The following HTR4 variants were observed in gnomAD, a reference collection of about 807,000 sequenced individuals.
HTR4 encodes 5-hydroxytryptamine receptor 4.
In HTR4, 16 loss-of-function variants were observed where a neutral mutation model predicts 36.8. The observed-to-expected ratio is 0.43, with a 90% CI of 0.29 to 0.66. The LOEUF is 0.66. Among genes scored for constraint, HTR4 ranks in the 30% least tolerant of loss-of-function variants. The probability of loss-of-function intolerance (pLI) is 0.13; values close to 1 mark genes in which losing one functional copy is unlikely to be tolerated. For synonymous variants in HTR4, 189 were observed against 185.1 expected (o/e 1.02, Z -0.17); for missense variants, 438 against 490.9 (o/e 0.89, Z 1.02).
At chr5:148,453,692 G>A (rs192582289) in intron 5 of HTR4, among the ~76,000 whole-genome samples, 2 of 152,286 alleles carry the variant, frequency 1.3e-5, no homozygotes, top group East Asian at 3.9e-4. Context: ...AAGTGGGCGG[G>A]GGTGGGCTTG....
intron 4 of HTR4, among the ~76,000 whole-genome samples, chr5:148,532,121 T>C (rs752817631): frequency 2.6e-5 from 4 of 152,168 alleles, no homozygotes; most frequent in Non-Finnish European, 4.4e-5. Flanking sequence ...TAACATGTCG[T>C]TATCTCTTAA....
chr5:148,508,936 A>G (rs917699163), intron 6 of HTR4, among the ~76,000 whole-genome samples: 5 of 152,154 alleles, frequency 3.3e-5, no homozygotes, highest in African/African-American at 7.2e-5. Context: ...AAAGGTGAGG[A>G]AAGTAAAACC....
intron 5 of HTR4, among the ~76,000 whole-genome samples, chr5:148,454,541 C>A (rs1755051332): frequency 6.6e-6 from 1 of 152,068 alleles, no homozygotes; most frequent in African/African-American, 2.4e-5. Context: ...AAATATTTTT[C>A]TCTTTTATTT....
Position 148,483,097 on chromosome 5 carries a change from A to G in HTR4, c.*106T>C, listed in dbSNP as rs982210582. On this transcript the variant is annotated 3_prime_UTR_variant, in exon 7 of 7. Transcript: ENST00000377888. ...CGGGTTCCTGCACTGGCGGACGGAA[A>G]GCCTCAGGTGAAGAGAATACCGGGT... 6.5e-7 allele frequency: 1 copy of G among 1,539,126 alleles called. No individual in the cohort carries two copies. The highest frequency in any genetic ancestry group is 1.4e-5 in the African/African-American group (1 of 72,954).
intron 4 of HTR4, among the ~76,000 whole-genome samples, chr5:148,534,790 T>A (rs1056852523): frequency 1.3e-5 from 2 of 151,950 alleles, no homozygotes; most frequent in Non-Finnish European, 2.9e-5. Context: ...CTGACCTCAA[T>A]CTCTCTGGGG....
chr5:148,638,166 C>T (rs1477474253), intron 1 of HTR4, among the ~76,000 whole-genome samples: 1 of 152,134 alleles, frequency 6.6e-6, no homozygotes, highest in East Asian at 1.9e-4. Flanking sequence ...ATGGAAAGGA[C>T]CTCGACTCTC....
intron 4 of HTR4, among the ~76,000 whole-genome samples, chr5:148,545,243 T>G (rs935194062): frequency 1.3e-5 from 2 of 152,244 alleles, no homozygotes; most frequent in East Asian, 3.9e-4. Context: ...GATATCTTAC[T>G]TATGGTATTG....
At chr5:148,459,281 C>T (rs10463406) in intron 5 of HTR4, among the ~76,000 whole-genome samples, 57,459 of 151,950 alleles carry the variant, frequency 0.38, 11,917 homozygotes, top group East Asian at 0.7. Context: ...GTGAGTTTCA[C>T]CTTCAGGAAC....
rs969113238 is a variant in HTR4, at chr5:148,457,726, T to G, written c.1077-6454A>C. ...ATTAAAATATATTTTGATATATCAT[T>G]AAAATATATTTTGGTATATCATTAA... On this transcript the variant is annotated intron_variant, in intron 5 of 5. Transcript: ENST00000521530. 7.6e-5 allele frequency among the ~76,000 whole-genome samples: 11 copies of G among 145,606 alleles called. No individual in the cohort carries two copies. The East Asian group carries it at 2.2e-3, about 29-fold the overall frequency.
At chr5:148,500,406 A>G (rs1756884553) in intron 6 of HTR4, among the ~76,000 whole-genome samples, 2 of 152,098 alleles carry the variant, frequency 1.3e-5, no homozygotes, top group South Asian at 2.1e-4. Context: ...AGAGACTGGG[A>G]AAAAGTTGCT....
chr5:148,463,839 A>G (rs1581338751), intron 5 of HTR4, among the ~76,000 whole-genome samples: 1 of 152,300 alleles, frequency 6.6e-6, no homozygotes, highest in Admixed American at 6.5e-5. Context: ...AAGACTTAAT[A>G]TAAAACTGCA....
At chr5:148,589,423 C>G (rs1416604500) in intron 2 of HTR4, among the ~76,000 whole-genome samples, 1 of 152,156 alleles carries the variant, frequency 6.6e-6, no homozygotes, top group East Asian at 1.9e-4. Flanking sequence ...TATCAAATGG[C>G]ATCTCATTGT....
chr5:148,532,060 A>G (rs6580555), intron 4 of HTR4, among the ~76,000 whole-genome samples: 73,484 of 151,938 alleles, frequency 0.48, 18,426 homozygotes, highest in African/African-American at 0.62. Flanking sequence ...TTTAGATGAG[A>G]GGATTTTCAC....
At chr5:148,526,323 C>A (rs769273766) in intron 4 of HTR4, among the ~76,000 whole-genome samples, 1 of 152,128 alleles carries the variant, frequency 6.6e-6, no homozygotes, top group Non-Finnish European at 1.5e-5. Context: ...GTAAGAATAT[C>A]TTTTGTTTCA....
intron 2 of HTR4, among the ~76,000 whole-genome samples, chr5:148,598,447 G>A (rs1282467060): frequency 6.6e-6 from 1 of 152,034 alleles, no homozygotes; most frequent in African/African-American, 2.4e-5. Flanking sequence ...AGGAGTCTAA[G>A]GTACTAAGGC....
At chr5:148,649,260 A>T (rs4421089) in intron 1 of HTR4, among the ~76,000 whole-genome samples, 6,176 of 148,046 alleles carry the variant, frequency 0.042, 181 homozygotes, top group Non-Finnish European at 0.067. Flanking sequence ...TTGGATGGGG[A>T]ATGTGTGATC....
chr5:148,542,940 T>A (rs532780772), intron 4 of HTR4, among the ~76,000 whole-genome samples: 2 of 152,172 alleles, frequency 1.3e-5, no homozygotes, highest in Non-Finnish European at 2.9e-5. Context: ...TCACACCATA[T>A]GTTTTTGGTA....
intron 6 of HTR4, among the ~76,000 whole-genome samples, chr5:148,488,734 T>A (rs1460241221): frequency 1.3e-5 from 2 of 152,202 alleles, no homozygotes; most frequent in African/African-American, 2.4e-5. Flanking sequence ...ATCTAGGATC[T>A]TTCTTTCTAC....
At chr5:148,578,313 G>GA (rs1761005488) in intron 2 of HTR4, among the ~76,000 whole-genome samples, 1 of 151,594 alleles carries the variant, frequency 6.6e-6, no homozygotes, top group African/African-American at 2.4e-5. Flanking sequence ...AACACTCTAG[G>GA]AAAAAAAATT....
Sources: gnomAD v4.1 joint callset for allele counts (sites outside exome capture counted in the v4.1 genomes callset) on GRCh38, gnomAD v4.1.1 for gene constraint, MANE v1.5 for transcripts, NCBI Gene and HGNC (gene_info 2026-07-23, HGNC 2026-07-21) for gene names.